Variants in NDUFAF7 observed in about 807,000 individuals in gnomAD.
NDUFAF7 encodes NADH:ubiquinone oxidoreductase complex assembly factor 7.
In NDUFAF7, 48 loss-of-function variants were observed where a neutral mutation model predicts 47.2. The ratio of observed to expected loss-of-function variants is 1.02; its 90% confidence interval spans 0.81 to 1.29. NDUFAF7 has a LOEUF of 1.29. Among genes scored for constraint, NDUFAF7 ranks in the 50% most tolerant of loss-of-function variants. The pLI is 0.00. For missense variants in NDUFAF7, 635 were observed against 537.6 expected, an observed-to-expected ratio of 1.18 and a Z score of -1.79; for synonymous variants, 217 against 190.0, an observed-to-expected ratio of 1.14 and a Z score of -1.17.
chr2:37,267,586 T>A, the NDUFAF7 span: 1 of 1,324,994 alleles, frequency 7.5e-7, no homozygotes, highest in East Asian at 2.3e-5. Flanking sequence ...GACAGCTTTA[T>A]TAGGGAGTTG....
chr2:37,236,072 T>G, intron 2 of NDUFAF7, 24 bp from the exon 3 acceptor site: 5 of 1,572,104 alleles, frequency 3.2e-6, no homozygotes, highest in Non-Finnish European at 4.4e-6. Context: ...TAATTTTGTT[T>G]CTCTATTTTC....
chr2:37,232,659 A>G (rs1226231695), intron 2 of NDUFAF7, among the ~76,000 whole-genome samples: 5 of 152,118 alleles, frequency 3.3e-5, no homozygotes, highest in Non-Finnish European at 7.4e-5. Context: ...TTAGGTAGAA[A>G]TCTCCAACAG....
rs1182542577 is a variant in NDUFAF7 at position 37,241,564 on chromosome 2, C to G, written c.409-14C>G. ...TTAACACATTGTATTTTTTTTTCTT[C>G]TTTTGGTATTTAGGTGTTCACTCAA... On this transcript the variant is annotated splice_polypyrimidine_tract_variant and intron_variant, in intron 4 of 9. Coordinates refer to ENST00000002125, the MANE Select transcript of NDUFAF7 (RefSeq NM_144736.5). 2 of 1,589,982 alleles carry G rather than the reference C, an allele frequency of 1.3e-6. No homozygotes were observed. The highest frequency in any genetic ancestry group is 1.7e-6 in the Non-Finnish European group (2 of 1,166,572).
At chr2:37,266,641 C>T in the NDUFAF7 span, among the ~76,000 whole-genome samples, 44 of 152,234 alleles carry the variant, frequency 2.9e-4, no homozygotes, top group Non-Finnish European at 4.9e-4. Flanking sequence ...CATGCGCCAC[C>T]GTGCCCGGCC....
chr2:37,236,953 T>TA lies in NDUFAF7; in HGVS notation c.297+778dup, dbSNP rs1665855909. 2.6e-5 allele frequency among the ~76,000 whole-genome samples: 4 copies of TA among 152,210 alleles called. No individual in the cohort carries two copies. The South Asian group carries it at 8.3e-4, about 32-fold the overall frequency. ...TCCCAGTCATGATTTTAGCCGTACT[T>TA]ACAGTAAAAGTCTTCTTTTATTTAT... On this transcript the variant is annotated intron_variant, in intron 3 of 9. Coordinates refer to ENST00000002125, the MANE Select transcript of NDUFAF7 (RefSeq NM_144736.5).
At chr2:37,236,258 C>A in intron 3 of NDUFAF7, 82 bp downstream of exon 3, 1 of 1,218,764 alleles carries the variant, frequency 8.2e-7, no homozygotes, top group Non-Finnish European at 1.2e-6. Flanking sequence ...TAGTAGTGTT[C>A]TACAGCTTTT....
chr2:37,243,791 G>A (rs891650736), intron 6 of NDUFAF7, 72 bp from the exon 7 acceptor site: 2 of 1,100,168 alleles, frequency 1.8e-6, no homozygotes, highest in African/African-American at 1.6e-5. Context: ...AGGAGAAAAA[G>A]CTATTTTTGG....
downstream of NDUFAF7, among the ~76,000 whole-genome samples, chr2:37,253,557 A>G (rs766348845): frequency 6.6e-6 from 1 of 152,154 alleles, no homozygotes. Context: ...CAGAGTCTCC[A>G]ATGAATGAAC....
the NDUFAF7 span, chr2:37,267,453 G>A: frequency 1.8e-5 from 29 of 1,602,652 alleles, no homozygotes; most frequent in East Asian, 2.2e-5. Flanking sequence ...ACTTCATTAC[G>A]GAGTTGACTT....
Position 37,248,389 on chromosome 2 carries a change from G to T in NDUFAF7, c.*39G>T, listed in dbSNP as rs781673737. ...ACATTTTACCCTTCAGTCGGCCCAA[G>T]AAATCAAAATAAAGGAAACACATTT... On this transcript the variant is annotated 3_prime_UTR_variant, in exon 10 of 10. Coordinates refer to ENST00000002125, the MANE Select transcript of NDUFAF7 (RefSeq NM_144736.5). 5.7e-6 allele frequency: 9 copies of T among 1,566,774 alleles called. No individual in the cohort carries two copies. Among genetic ancestry groups the T allele is most frequent in the Non-Finnish European group, 7.9e-6 (9 of 1,137,316 alleles).
chr2:37,252,157 ATC>A (rs1667551860), downstream of NDUFAF7: 1 of 152,186 alleles, frequency 6.6e-6, no homozygotes, highest in Non-Finnish European at 1.5e-5. Context: ...CACTCCAGAT[ATC>A]TGCAAAGCCC....
At chr2:37,258,979 T>C in the NDUFAF7 span, among the ~76,000 whole-genome samples, 7 of 152,056 alleles carry the variant, frequency 4.6e-5, no homozygotes, top group African/African-American at 1.7e-4. Context: ...CTCAGGATGG[T>C]TGTTTCAGAA....
intron 7 of NDUFAF7, 96 bp downstream of exon 7, chr2:37,244,069 CAGGAAGAGTTGCT>C: frequency 9.3e-7 from 1 of 1,076,374 alleles, no homozygotes; most frequent in Non-Finnish European, 1.4e-6. Context: ...AGTTCCTTTA[CAGGAAGAGTTGCT>C]AGTAGCATAC....
At chr2:37,235,685 C>T (rs551157887) in intron 2 of NDUFAF7, among the ~76,000 whole-genome samples, 107 of 143,032 alleles carry the variant, frequency 7.5e-4, no homozygotes, top group South Asian at 3.2e-3. Flanking sequence ...GATGGAGTCT[C>T]ACTTTGTCAC....
rs774220761 is a variant in NDUFAF7 at position 37,247,650 on chromosome 2, CTGTTAT to C, written c.1110+23_1110+28del. 53 of 1,611,998 alleles carry C rather than the reference CTGTTAT, an allele frequency of 3.3e-5. No homozygotes were observed. The African/African-American group carries it at 6.9e-4, about 21-fold the overall frequency. On this transcript the variant is annotated intron_variant, in intron 9 of 9. Transcript: ENST00000002125. ...TGAAGGTAAGGTTTATTTTATTTCA[CTGTTAT>C]TAAGTACTTTCATAGTATTTCAAAA... is the stretch of plus-strand genomic sequence containing the variant.
the NDUFAF7 span, chr2:37,260,476 G>GAAAGAAAGCCTAGAGAAGT: frequency 8.6e-7 from 1 of 1,163,932 alleles, no homozygotes; most frequent in Non-Finnish European, 1.2e-6. Context: ...AAATGGCACA[G>GAAAGAAAGCCTAGAGAAGT]AAAGAAAGCC....
At chr2:37,268,266 A>T in the NDUFAF7 span, 1 of 468,540 alleles carries the variant, frequency 2.1e-6, no homozygotes, top group Admixed American at 2.4e-5. Flanking sequence ...AAGACTGAAC[A>T]AATGTGTGCA....
At chr2:37,257,052 T>A, downstream of NDUFAF7, 1 of 1,070,220 alleles carries the variant, frequency 9.3e-7, no homozygotes, top group Non-Finnish European at 1.3e-6. Flanking sequence ...TTATGAATAT[T>A]AATCACAGAT....
chr2:37,258,718 A>G, the NDUFAF7 span, among the ~76,000 whole-genome samples: 1 of 152,250 alleles, frequency 6.6e-6, no homozygotes, highest in Non-Finnish European at 1.5e-5. Flanking sequence ...ACATAAACAT[A>G]AAAAGAATAT....
Sources: gnomAD v4.1 joint callset for allele counts (sites outside exome capture counted in the v4.1 genomes callset) on GRCh38, gnomAD v4.1.1 for gene constraint, MANE v1.5 for transcripts, NCBI Gene and HGNC (gene_info 2026-07-23, HGNC 2026-07-21) for gene names.